The following ADAMTSL3 variants were observed in gnomAD, a reference collection of about 807,000 sequenced individuals.
The protein encoded by ADAMTSL3 is ADAMTS like 3, also known as ADAMTS-like protein 3.
ADAMTSL3 carries 128 observed loss-of-function variants against 201.7 expected under a neutral mutation model. The ratio of observed to expected loss-of-function variants is 0.63; its 90% CI spans 0.55 to 0.73. The LOEUF is 0.73. ADAMTSL3 is among the 30% of genes least tolerant of loss of function. ADAMTSL3 has a pLI of 0.00. For synonymous variants in ADAMTSL3, 738 were observed against 748.4 expected, an observed-to-expected ratio of 0.99 and a Z score of 0.23; for missense variants, 1,990 against 2,119.6, an observed-to-expected ratio of 0.94 and a Z score of 1.20.
At chr15:83,978,453 G>A (rs2067326314) in intron 20 of ADAMTSL3, among the ~76,000 whole-genome samples, 1 of 152,350 alleles carries the variant, frequency 6.6e-6, no homozygotes, top group South Asian at 2.1e-4. Flanking sequence ...GGGTGCTGCA[G>A]TTGGTACCTG....
intron 8 of ADAMTSL3, among the ~76,000 whole-genome samples, chr15:83,867,554 T>G (rs1431437956): frequency 1.3e-5 from 2 of 152,216 alleles, no homozygotes; most frequent in African/African-American, 4.8e-5. Flanking sequence ...AAGCCCTATC[T>G]GAGGACCATA....
At position 83,849,987 on chromosome 15, in the gene ADAMTSL3, A is replaced by G. The variant is rs144430159; in HGVS notation, c.728-8779A>G. On this transcript the variant is annotated intron_variant, in intron 7 of 29. Coordinates refer to ENST00000286744, the MANE Select transcript of ADAMTSL3 (RefSeq NM_207517.3). ...AAGAATCTGTGCAATATAATTACTA[A>G]TGTTACATTAATAGGTAACAGAACA... Among the ~76,000 whole-genome samples, 199 of 152,316 alleles carry G rather than the reference A, an allele frequency of 1.3e-3. 1 individual carries two copies. The Middle Eastern group carries it at 0.031, about 23-fold the overall frequency.
At chr15:83,757,532 C>T (rs56226101) in intron 3 of ADAMTSL3, among the ~76,000 whole-genome samples, 32,381 of 152,166 alleles carry the variant, frequency 0.21, 3,657 homozygotes, top group East Asian at 0.44. Context: ...GTTCCTCCTA[C>T]GCCTCTGGGC....
Position 83,709,510 on chromosome 15 carries a change from A to G in ADAMTSL3, c.189+5002A>G, listed in dbSNP as rs375183630. On this transcript the variant is annotated intron_variant, in intron 3 of 29. Coordinates refer to ENST00000286744, the MANE Select transcript of ADAMTSL3 (RefSeq NM_207517.3). ...ATAGGCAAACAGCTGGATATTGGTC[A>G]CTGCACATGGTTCTTTTCATCGCTG... Among the ~76,000 whole-genome samples the G allele has an allele frequency of 1.2e-4, 19 of 152,266 alleles. No homozygotes were observed. In the South Asian group the frequency reaches 1.7e-3, roughly 13 times the overall value.
intron 2 of ADAMTSL3, among the ~76,000 whole-genome samples, chr15:83,698,455 C>T (rs1182047335): frequency 6.6e-6 from 1 of 152,212 alleles, no homozygotes; most frequent in Non-Finnish European, 1.5e-5. Context: ...CAGCTGTGGA[C>T]AGTGGCTGGT....
chr15:83,809,404 C>A (rs1302561506), intron 5 of ADAMTSL3, among the ~76,000 whole-genome samples: 2 of 152,168 alleles, frequency 1.3e-5, no homozygotes, highest in Middle Eastern at 3.2e-3. Context: ...CATCCTGTTA[C>A]AAGCATCCAA....
At chr15:83,908,265 C>T (rs1567229211) in intron 15 of ADAMTSL3, among the ~76,000 whole-genome samples, 1 of 152,088 alleles carries the variant, frequency 6.6e-6, no homozygotes, top group Non-Finnish European at 1.5e-5. Context: ...TTGTCTGTAC[C>T]TCAGTTTTCT....
intron 3 of ADAMTSL3, among the ~76,000 whole-genome samples, chr15:83,756,598 T>G (rs1268751908): frequency 8.8e-6 from 1 of 113,298 alleles, no homozygotes; most frequent in Non-Finnish European, 2.2e-5. Flanking sequence ...ATTTCACCCC[T>G]GCCCCCCCCC....
intron 19 of ADAMTSL3, among the ~76,000 whole-genome samples, chr15:83,954,798 C>T (rs2066825585): frequency 6.6e-6 from 1 of 152,194 alleles, no homozygotes; most frequent in African/African-American, 2.4e-5. Context: ...GACTCTTGTT[C>T]TCTTCCTTTA....
At chr15:83,885,675 G>T (rs1285371337) in intron 10 of ADAMTSL3, among the ~76,000 whole-genome samples, 1 of 151,958 alleles carries the variant, frequency 6.6e-6, no homozygotes. Flanking sequence ...ATTAAAAAGA[G>T]AAAGGGTCCC....
chr15:83,752,212 C>A (rs573911243), intron 3 of ADAMTSL3, among the ~76,000 whole-genome samples: 49 of 152,210 alleles, frequency 3.2e-4, no homozygotes, highest in African/African-American at 1.2e-3. Context: ...TATATTCCTT[C>A]TTCTGTTATT....
chr15:83,905,711 A>G (rs1452184818), intron 15 of ADAMTSL3, among the ~76,000 whole-genome samples: 2 of 152,200 alleles, frequency 1.3e-5, no homozygotes, highest in Admixed American at 1.3e-4. Context: ...GCGAATTCCA[A>G]ATTGCACATC....
intron 15 of ADAMTSL3, among the ~76,000 whole-genome samples, chr15:83,900,535 C>A (rs549665913): frequency 6.6e-6 from 1 of 152,344 alleles, no homozygotes; most frequent in East Asian, 1.9e-4. Context: ...CCATGTCAAA[C>A]ATGTTAAGTG....
chr15:83,826,119 T>G (rs1324372058), intron 6 of ADAMTSL3, among the ~76,000 whole-genome samples: 4 of 152,030 alleles, frequency 2.6e-5, no homozygotes, highest in Admixed American at 6.6e-5. Context: ...ATGTATTTTT[T>G]TTTTGAGACA....
intron 7 of ADAMTSL3, among the ~76,000 whole-genome samples, chr15:83,843,801 A>T (rs2064434874): frequency 6.6e-6 from 1 of 152,248 alleles, no homozygotes; most frequent in Non-Finnish European, 1.5e-5. Context: ...AGTGAGGCAG[A>T]CACAAGGTGT....
intron 2 of ADAMTSL3, among the ~76,000 whole-genome samples, chr15:83,674,677 A>G (rs891274963): frequency 6.7e-6 from 1 of 148,760 alleles, no homozygotes; most frequent in Non-Finnish European, 1.5e-5. Context: ...ATATATACAC[A>G]CATATATACA....
chr15:83,744,678 G>A (rs189806496), intron 3 of ADAMTSL3, among the ~76,000 whole-genome samples: 233 of 152,122 alleles, frequency 1.5e-3, no homozygotes, highest in African/African-American at 3.9e-3. Flanking sequence ...GTGTTGTACC[G>A]TAGAGCTCTT....
At chr15:83,669,264 GCCACC>G (rs1314151144) in intron 2 of ADAMTSL3, among the ~76,000 whole-genome samples, 14 of 152,028 alleles carry the variant, frequency 9.2e-5, no homozygotes, top group Non-Finnish European at 1.6e-4. Flanking sequence ...TCCTGCCTTA[GCCACC>G]CCAGTAGCTG....
At chr15:83,820,069 T>A (rs754781847) in intron 6 of ADAMTSL3, 22 bp downstream of exon 6, 2 of 1,590,260 alleles carry the variant, frequency 1.3e-6, no homozygotes, top group East Asian at 2.2e-5. Flanking sequence ...TACCTCCCAA[T>A]CCCCTGCTTT....
Sources: gnomAD v4.1 joint callset for allele counts (sites outside exome capture counted in the v4.1 genomes callset) on GRCh38, gnomAD v4.1.1 for gene constraint, MANE v1.5 for transcripts, NCBI Gene and HGNC (gene_info 2026-07-23, HGNC 2026-07-21) for gene names.